CHID1: variants seen among roughly 807,000 people sequenced by gnomAD.
The protein encoded by CHID1 is chitinase domain containing 1.
CHID1 carries 44 observed loss-of-function variants against 55.4 expected under a neutral mutation model. The observed-to-expected ratio is 0.79, with a 90% CI of 0.62 to 1.02. CHID1 has a LOEUF of 1.02. CHID1 is among the 50% of genes least tolerant of loss of function. The probability of loss-of-function intolerance (pLI) is 0.00; values close to 1 mark genes in which losing one functional copy is unlikely to be tolerated. For missense variants in CHID1, 491 were observed against 515.3 expected (o/e 0.95, Z 0.46); for synonymous variants, 216 against 212.9 (o/e 1.01, Z -0.13).
intron 9 of CHID1, among the ~76,000 whole-genome samples, chr11:883,843 C>T (rs560701460): frequency 2.6e-5 from 4 of 152,350 alleles, no homozygotes; most frequent in African/African-American, 9.6e-5. Context: ...GGCCGTGACC[C>T]AGCTCCACCA....
intron 1 of CHID1, chr11:908,644 ATCTGGGTCAGGGAGGAAG>A (rs1852410293): frequency 1.0e-6 from 1 of 984,152 alleles, no homozygotes; most frequent in African/African-American, 1.7e-5. Context: ...CTGGGTGGAA[ATCTGGGTCAGGGAGGAAG>A]GAAAGGAATG....
chr11:903,591 G>C, intron 2 of CHID1: 1 of 216,022 alleles, frequency 4.6e-6, no homozygotes, highest in Non-Finnish European at 9.4e-6. Context: ...GACCAGCCTG[G>C]TCAACATGGT....
intron 10 of CHID1, among the ~76,000 whole-genome samples, chr11:872,837 C>T (rs557512228): frequency 6.6e-4 from 101 of 152,288 alleles, no homozygotes; most frequent in African/African-American, 2.4e-3. Flanking sequence ...GCTCTGGCCA[C>T]GCCACACACT....
intron 10 of CHID1, chr11:874,885 GAC>G (rs1408608515): frequency 1.3e-5 from 2 of 152,358 alleles, no homozygotes; most frequent in East Asian, 3.8e-4. Flanking sequence ...GCAGACAGAA[GAC>G]ACAGCCTGGT....
Position 869,534 on chromosome 11 carries a change from T to G in CHID1, c.*324A>C. 4.6e-6 allele frequency: 2 copies of G among 434,768 alleles called. No individual in the cohort carries two copies. The highest frequency in any genetic ancestry group is 4.2e-6 in the Non-Finnish European group (1 of 238,336). 26.9% of individuals were successfully genotyped at this position (434,768 alleles called of 1,614,324 possible). ...TTCCAAACCCACATCCAGCCCAGGA[T>G]GTGAGAAGCAGCCCAGAAAGGCCTG... is the stretch of plus-strand genomic sequence containing the variant. On this transcript the variant is annotated 3_prime_UTR_variant, in exon 13 of 13. Coordinates refer to ENST00000323578, the MANE Select transcript of CHID1 (RefSeq NM_023947.4).
intron 7 of CHID1, among the ~76,000 whole-genome samples, chr11:896,202 C>T (rs1297400869): frequency 6.9e-6 from 1 of 144,828 alleles, no homozygotes. Flanking sequence ...CTCAGCACCC[C>T]CAGCCTCCAC....
intron 4 of CHID1, 71 bp downstream of exon 4, chr11:902,127 C>A: frequency 6.3e-7 from 1 of 1,583,112 alleles, no homozygotes; most frequent in South Asian, 1.1e-5. Context: ...CACACACACA[C>A]ACCCCTGCTC....
chr11:901,106 G>C (rs1362152450), intron 4 of CHID1, 126 bp from the exon 5 acceptor site: 1 of 788,088 alleles, frequency 1.3e-6, no homozygotes, highest in Non-Finnish European at 2.0e-6. Context: ...GGGCAGGCAG[G>C]TGTGAGAACC....
chr11:888,691 TC>T, intron 8 of CHID1, among the ~76,000 whole-genome samples: 1 of 152,204 alleles, frequency 6.6e-6, no homozygotes, highest in Middle Eastern at 3.4e-3. Context: ...CTGCCGACCC[TC>T]CCATCGCCAT....
chr11:869,285 T>C lies in CHID1; in HGVS notation c.*573A>G. The C allele has an allele frequency of 6.5e-6, 1 of 154,466 alleles. No homozygotes were observed. Among genetic ancestry groups the C allele is most frequent in the Non-Finnish European group, 1.4e-5 (1 of 69,808 alleles). 9.6% of individuals were successfully genotyped at this position (154,466 alleles called of 1,614,324 possible). A position where few individuals can be genotyped will look rare whatever the true frequency, so the allele number is the denominator to read the frequency against. On this transcript the variant is annotated 3_prime_UTR_variant, in exon 13 of 13. Coordinates refer to ENST00000323578, the MANE Select transcript of CHID1 (RefSeq NM_023947.4). ...GTGGGCCAGGCTCCTCTGAGCCCAT[T>C]TCTAGGGCAGCCCCTGCACCCTTGC...
intron 2 of CHID1, 98 bp downstream of exon 2, chr11:904,608 G>A (rs866049898): frequency 3.7e-5 from 53 of 1,447,548 alleles, no homozygotes; most frequent in Non-Finnish European, 5.0e-5. Flanking sequence ...CAAGCCCCTC[G>A]AGCCTCCTGG....
intron 2 of CHID1, chr11:903,774 T>C (rs1852001047): frequency 1.1e-5 from 2 of 190,384 alleles, no homozygotes; most frequent in South Asian, 6.5e-5. Context: ...AGAGCAAAAC[T>C]TCACCTCAAA....
At chr11:886,008 G>T (rs935837641) in intron 8 of CHID1, among the ~76,000 whole-genome samples, 1 of 152,074 alleles carries the variant, frequency 6.6e-6, no homozygotes, top group African/African-American at 2.4e-5. Flanking sequence ...AATTAGCCGG[G>T]CGTGGTGGTG....
chr11:901,785 C>T (rs1589891666), intron 4 of CHID1, among the ~76,000 whole-genome samples: 1 of 152,114 alleles, frequency 6.6e-6, no homozygotes, highest in Admixed American at 6.5e-5. Flanking sequence ...GCAGAGGGTC[C>T]CACCGTGGCG....
intron 8 of CHID1, among the ~76,000 whole-genome samples, chr11:884,562 C>T (rs1850255334): frequency 6.6e-6 from 1 of 152,168 alleles, no homozygotes; most frequent in Non-Finnish European, 1.5e-5. Flanking sequence ...CGTCCCCTCC[C>T]GGGGTCTGCA....
chr11:893,950 C>T (rs994004850), intron 7 of CHID1, among the ~76,000 whole-genome samples: 11 of 152,008 alleles, frequency 7.2e-5, no homozygotes, highest in African/African-American at 2.2e-4. Context: ...GGCGAAACCC[C>T]GCCTCTACTA....
upstream of CHID1, among the ~76,000 whole-genome samples, chr11:912,878 T>G (rs1294566169): frequency 2.0e-5 from 3 of 151,388 alleles, no homozygotes; most frequent in East Asian, 5.8e-4. Context: ...ACTGACTTCT[T>G]TAGGTGGGCA....
At chr11:871,686 C>T (rs1339004034) in intron 10 of CHID1, among the ~76,000 whole-genome samples, 1 of 152,208 alleles carries the variant, frequency 6.6e-6, no homozygotes, top group East Asian at 1.9e-4. Context: ...AGCCCGGGTG[C>T]CATGTGGGAG....
intron 1 of CHID1, among the ~76,000 whole-genome samples, chr11:909,631 T>A (rs1024413662): frequency 6.6e-6 from 1 of 152,230 alleles, no homozygotes; most frequent in South Asian, 2.1e-4. Context: ...TGTGTGTACA[T>A]GTGTAGAGCG....
Sources: gnomAD v4.1 joint callset for allele counts (sites outside exome capture counted in the v4.1 genomes callset) on GRCh38, gnomAD v4.1.1 for gene constraint, MANE v1.5 for transcripts, NCBI Gene and HGNC (gene_info 2026-07-23, HGNC 2026-07-21) for gene names.